DIP2C: variants seen among roughly 807,000 people sequenced by gnomAD.
The protein encoded by DIP2C is disco-interacting protein 2 homolog C.
DIP2C carries 33 observed loss-of-function variants against 192.4 expected under a neutral mutation model. The ratio of observed to expected loss-of-function variants is 0.17; its 90% CI spans 0.13 to 0.23. The LOEUF is 0.23. Ranked by LOEUF, DIP2C falls within the 10% of genes least tolerant of loss-of-function variation. DIP2C has a pLI of 1.00. For missense variants in DIP2C, 1,537 were observed against 2,110.1 expected (o/e 0.73, Z 5.32); for synonymous variants, 979 against 864.1 (o/e 1.13, Z -2.33).
At chr10:600,487 C>T (rs1007334350) in intron 1 of DIP2C, among the ~76,000 whole-genome samples, 2 of 150,338 alleles carry the variant, frequency 1.3e-5, no homozygotes, top group Admixed American at 6.6e-5. Context: ...TTAAAGACGA[C>T]GGCCCAGGGT....
chr10:416,025 CG>C (rs1828960040), intron 6 of DIP2C, 137 bp from the exon 7 acceptor site: 1 of 1,340,560 alleles, frequency 7.5e-7, no homozygotes, highest in Non-Finnish European at 1.0e-6. Context: ...GGGAAGGGCC[CG>C]AGGTGATCAT....
intron 10 of DIP2C, among the ~76,000 whole-genome samples, chr10:398,445 C>T (rs1398321809): frequency 1.3e-5 from 2 of 152,206 alleles, no homozygotes; most frequent in Non-Finnish European, 2.9e-5. Context: ...CTTTCTAGAC[C>T]AAATGAACAT....
chr10:499,415 TTTGA>T (rs1454813298), intron 1 of DIP2C, among the ~76,000 whole-genome samples: 4 of 152,172 alleles, frequency 2.6e-5, no homozygotes, highest in African/African-American at 7.2e-5. Context: ...AGGAAAGCAG[TTTGA>T]TTGACTCACA....
intron 24 of DIP2C, among the ~76,000 whole-genome samples, chr10:354,180 CCA>C (rs981097166): frequency 6.6e-6 from 1 of 152,258 alleles, no homozygotes; most frequent in African/African-American, 2.4e-5. Context: ...GCCATGCCTT[CCA>C]CACAGTCCTA....
chr10:568,452 C>T (rs1004194708), intron 1 of DIP2C, among the ~76,000 whole-genome samples: 1 of 152,094 alleles, frequency 6.6e-6, no homozygotes, highest in Non-Finnish European at 1.5e-5. Context: ...GAAATTTAAG[C>T]CTGTAACAAG....
At chr10:365,809 C>T (rs1052661904) in intron 19 of DIP2C, among the ~76,000 whole-genome samples, 10 of 152,160 alleles carry the variant, frequency 6.6e-5, no homozygotes, top group East Asian at 3.9e-4. Context: ...CACGTGTGCT[C>T]GAGTTCTCAC....
At chr10:485,024 T>C (rs779689602) in intron 2 of DIP2C, 4 of 1,484,180 alleles carry the variant, frequency 2.7e-6, no homozygotes, top group Non-Finnish European at 3.6e-6. Context: ...TGAGCAGAGC[T>C]GCCGACCCCA....
At chr10:289,329 G>A (rs567754948) in intron 32 of DIP2C, among the ~76,000 whole-genome samples, 1 of 152,004 alleles carries the variant, frequency 6.6e-6, no homozygotes, top group South Asian at 2.1e-4. Flanking sequence ...GAGTACAGTG[G>A]CACAATCATG....
At chr10:660,082 C>T (rs1233291733) in intron 1 of DIP2C, among the ~76,000 whole-genome samples, 5 of 152,398 alleles carry the variant, frequency 3.3e-5, no homozygotes, top group South Asian at 2.1e-4. Flanking sequence ...CAGAGCAGGT[C>T]GCTCAGCCCA....
chr10:569,591 TTA>T (rs1849656227), intron 1 of DIP2C, among the ~76,000 whole-genome samples: 1 of 150,278 alleles, frequency 6.7e-6, no homozygotes, highest in South Asian at 2.1e-4. Context: ...CTCATTTGTT[TTA>T]TATTCTTTTT....
intron 10 of DIP2C, among the ~76,000 whole-genome samples, chr10:393,687 G>C (rs1201769711): frequency 6.8e-6 from 1 of 147,352 alleles, no homozygotes; most frequent in Non-Finnish European, 1.5e-5. Context: ...GCTGAGGCAG[G>C]AGAATAGCTT....
At chr10:581,643 C>CA (rs1168281152) in intron 1 of DIP2C, among the ~76,000 whole-genome samples, 1 of 152,082 alleles carries the variant, frequency 6.6e-6, no homozygotes, top group Non-Finnish European at 1.5e-5. Flanking sequence ...GGATGGAACC[C>CA]ACCACCACGA....
At chr10:320,877 C>G (rs1236899149) in intron 31 of DIP2C, among the ~76,000 whole-genome samples, 1 of 152,164 alleles carries the variant, frequency 6.6e-6, no homozygotes, top group African/African-American at 2.4e-5. Flanking sequence ...GGAGGAGGAA[C>G]AAAGTACACT....
Position 689,543 on chromosome 10 carries a change from G to A in DIP2C, c.36C>T (p.Pro12=), listed in dbSNP as rs1831468900. The A allele has an allele frequency of 1.5e-6, 2 of 1,293,552 alleles. No individual in the cohort carries two copies. Among genetic ancestry groups the A allele is most frequent in the South Asian group, 1.5e-5 (1 of 64,658 alleles). The allele number at this position is 1,293,552 out of a possible 1,614,324, so 80.1% of individuals were successfully genotyped here. A position where few individuals can be genotyped will look rare whatever the true frequency, so the allele number is the denominator to read the frequency against. ...ADRSLEGMAL[P]LEVRARLAEL... is the part of the protein sequence containing the mutation. ...CGGCCAGGCGCGCCCGCACCTCCAG[G>A]GGCAGCGCCATGCCCTCCAGGCTGC... The change falls in exon 1 of 37, where the codon CCC becomes CCT. Residue 12 remains proline, a synonymous_variant. Transcript: ENST00000280886. The surrounding 1 kb of genome is among the most constrained non-coding windows in gnomAD (Gnocchi z 6.1).
At chr10:340,719 C>G in intron 29 of DIP2C, 1 of 456,280 alleles carries the variant, frequency 2.2e-6, no homozygotes, top group South Asian at 1.5e-5. Flanking sequence ...AGCCAGGCTC[C>G]GAGCCGGCTG....
chr10:486,272 CCT>C (rs1389185895), intron 2 of DIP2C, among the ~76,000 whole-genome samples, 185 bp downstream of exon 2: 1 of 152,202 alleles, frequency 6.6e-6, no homozygotes, highest in Non-Finnish European at 1.5e-5. Context: ...ATAGAAAAAT[CCT>C]CTGTGCCTTG....
rs541820192 is a variant in DIP2C, at chr10:469,491, A to AT, written c.268+2947dup. On this transcript the variant is annotated intron_variant, in intron 3 of 36. Transcript: ENST00000280886. ...ACCACCATGCCTGGCTAATTTTTGT[A>AT]TTTTTCATAGAGATGGGGTTTCGCC... Among the ~76,000 whole-genome samples the AT allele has an allele frequency of 3.2e-4, 48 of 151,556 alleles. 3 individuals carry two copies. The East Asian group carries it at 9.1e-3, about 29-fold the overall frequency.
chr10:534,648 TG>T (rs1847591851), intron 1 of DIP2C, among the ~76,000 whole-genome samples: 1 of 151,582 alleles, frequency 6.6e-6, no homozygotes, highest in Non-Finnish European at 1.5e-5. Flanking sequence ...CATCTTACAG[TG>T]TTTGTCTGCT....
chr10:529,492 T>C lies in DIP2C; in HGVS notation c.86-42962A>G, dbSNP rs79277178. 6.7e-3 allele frequency among the ~76,000 whole-genome samples: 1,015 copies of C among 152,212 alleles called. 8 individuals are homozygous for C. Among genetic ancestry groups the C allele is most frequent in the Non-Finnish European group, 9.7e-3 (663 of 68,016 alleles). On this transcript the variant is annotated intron_variant, in intron 1 of 36. Coordinates refer to ENST00000280886, the MANE Select transcript of DIP2C (RefSeq NM_014974.3). Reference sequence around the variant, plus strand: ...AAGACACAAAAGTTAGTTCTCAAAATAGACAACCTATTTTACTGTTGCTTA... The same window carrying C: ...AAGACACAAAAGTTAGTTCTCAAAACAGACAACCTATTTTACTGTTGCTTA...
Sources: allele counts gnomAD v4.1 joint callset (sites outside exome capture counted in the v4.1 genomes callset), GRCh38; gene constraint gnomAD v4.1.1; non-coding constraint Gnocchi (gnomAD v3.1); transcripts MANE v1.5; gene names NCBI Gene and HGNC (gene_info 2026-07-23, HGNC 2026-07-21).